Variants in PSMG2 observed in about 807,000 individuals in gnomAD.
PSMG2 encodes the protein proteasome assembly chaperone 2.
A neutral mutation model predicts 31.5 loss-of-function variants in PSMG2; 21 were observed. The ratio of observed to expected loss-of-function variants is 0.67; its 90% confidence interval spans 0.47 to 0.96. PSMG2 has a LOEUF of 0.96. Among genes scored for constraint, PSMG2 ranks in the 40% least tolerant of loss-of-function variants. The pLI, the probability that PSMG2 is intolerant of heterozygous loss-of-function variation, is 0.00. For missense variants in PSMG2, 318 were observed against 321.2 expected, an observed-to-expected ratio of 0.99 and a Z score of 0.08; for synonymous variants, 120 against 110.4, an observed-to-expected ratio of 1.09 and a Z score of -0.54.
At position 12,686,198 on chromosome 18, in the gene PSMG2, T is replaced by C. The variant is rs2039534860; in HGVS notation, c.-36-20352T>C. On this transcript the variant is annotated intron_variant, in intron 1 of 6. Coordinates refer to the PSMG2 transcript ENST00000585331. ...TTTTTCTAAGGCATTCTTTTACAAA[T>C]GGATTACAAATTCAGAGTAACTATG... The C allele has an allele frequency of 2.3e-6, 3 of 1,327,750 alleles. No individual in the cohort carries two copies. In the East Asian group the frequency reaches 7.2e-5, roughly 32 times the overall value. 82.2% of individuals were successfully genotyped at this position (1,327,750 alleles called of 1,614,324 possible). A position where few individuals can be genotyped will look rare whatever the true frequency, so the allele number is the denominator to read the frequency against.
intron 1 of PSMG2, among the ~76,000 whole-genome samples, chr18:12,681,254 A>G (rs1307680623): frequency 7.4e-6 from 1 of 134,982 alleles, no homozygotes; most frequent in Non-Finnish European, 1.6e-5. Flanking sequence ...GAAAAGTAGA[A>G]CATTTTTTTT....
At chr18:12,702,314 C>G, upstream of PSMG2, 1 of 559,984 alleles carries the variant, frequency 1.8e-6, no homozygotes, top group Non-Finnish European at 3.1e-6. Context: ...TTCTCGGAGA[C>G]GAGGACGCTC....
At chr18:12,723,940 G>A (rs1040580946) in intron 5 of PSMG2, among the ~76,000 whole-genome samples, 2 of 152,096 alleles carry the variant, frequency 1.3e-5, no homozygotes, top group Non-Finnish European at 2.9e-5. Flanking sequence ...CTTTGTTCCC[G>A]TTATTCCAAA....
At chr18:12,677,807 AG>A (rs1450012115) in intron 1 of PSMG2, among the ~76,000 whole-genome samples, 16 of 152,298 alleles carry the variant, frequency 1.1e-4, no homozygotes, top group African/African-American at 3.6e-4. Flanking sequence ...CATTTCACAA[AG>A]ACAAAATCCA....
chr18:12,689,949 T>G (rs1315109089), intron 1 of PSMG2, among the ~76,000 whole-genome samples: 1 of 152,132 alleles, frequency 6.6e-6, no homozygotes, highest in Non-Finnish European at 1.5e-5. Context: ...CCACCAAGCC[T>G]GGCTAATTTT....
chr18:12,678,314 T>C (rs766318200), intron 1 of PSMG2: 1 of 1,614,162 alleles, frequency 6.2e-7, no homozygotes, highest in Non-Finnish European at 8.5e-7. Flanking sequence ...TTCTACTGCA[T>C]CAGAGGGTTG....
intron 1 of PSMG2, among the ~76,000 whole-genome samples, chr18:12,705,852 G>A (rs949894928): frequency 1.5e-4 from 23 of 152,134 alleles, no homozygotes; most frequent in Admixed American, 7.2e-4. Context: ...AATCAACCAT[G>A]TACACACATC....
chr18:12,687,628 T>C (rs1274557345), intron 1 of PSMG2, among the ~76,000 whole-genome samples: 1 of 151,690 alleles, frequency 6.6e-6, no homozygotes, highest in Non-Finnish European at 1.5e-5. Flanking sequence ...AATTTTTGTA[T>C]TTTTGTAGAG....
In PSMG2 at chr18:12,678,283, G is replaced by A. The variant is rs139815657; in HGVS notation, c.-37+19510G>A. 188 of 1,614,076 alleles carry A rather than the reference G, an allele frequency of 1.2e-4. No homozygotes were observed. The African/African-American group carries it at 1.9e-3, about 16-fold the overall frequency. On this transcript the variant is annotated intron_variant, in intron 1 of 6. Transcript: ENST00000585331. ...TCATGGGTTTCCATTTGGATTCATC[G>A]TTCAAATCAAATACACAGGTTTCTA...
chr18:12,709,500 ATTT>A (rs113951918), intron 2 of PSMG2, among the ~76,000 whole-genome samples: 1 of 130,380 alleles, frequency 7.7e-6, no homozygotes. Flanking sequence ...TAATTCTTGT[ATTT>A]TTTTTTTTTT....
chr18:12,674,110 G>A (rs1465546027), intron 1 of PSMG2, among the ~76,000 whole-genome samples: 1 of 151,978 alleles, frequency 6.6e-6, no homozygotes, highest in Non-Finnish European at 1.5e-5. Context: ...CATTGTAAAA[G>A]CTCCCATATG....
chr18:12,673,754 G>A (rs1376544266), intron 1 of PSMG2, among the ~76,000 whole-genome samples: 19 of 152,058 alleles, frequency 1.2e-4, no homozygotes, highest in South Asian at 4.1e-4. Context: ...GGTGGCGGGC[G>A]TCTGTAATCC....
At chr18:12,682,148 G>A (rs948732397) in intron 1 of PSMG2, among the ~76,000 whole-genome samples, 3 of 152,072 alleles carry the variant, frequency 2.0e-5, no homozygotes, top group South Asian at 4.1e-4. Context: ...TTGAGTGTCC[G>A]AATGAAGAAA....
intron 1 of PSMG2, among the ~76,000 whole-genome samples, chr18:12,695,595 G>A (rs1289628655): frequency 6.6e-6 from 1 of 151,922 alleles, no homozygotes; most frequent in Admixed American, 6.6e-5. Context: ...TCTTTAAGTA[G>A]AGATGGGGTC....
intron 1 of PSMG2, chr18:12,697,260 A>G: frequency 6.2e-7 from 1 of 1,613,892 alleles, no homozygotes; most frequent in South Asian, 1.1e-5. Flanking sequence ...TGGTCACTCC[A>G]TTTTCTGAGC....
At chr18:12,682,760 T>C (rs1252341307) in intron 1 of PSMG2, among the ~76,000 whole-genome samples, 1 of 151,998 alleles carries the variant, frequency 6.6e-6, no homozygotes, top group Non-Finnish European at 1.5e-5. Flanking sequence ...TAGCTAGGAC[T>C]ACAGGCGTGC....
At chr18:12,699,729 TG>T (rs1406653365), upstream of PSMG2, 11 of 662,364 alleles carry the variant, frequency 1.7e-5, no homozygotes, top group East Asian at 1.8e-4. Flanking sequence ...TATTTTATTT[TG>T]GGGGGAAAAA....
At chr18:12,659,766 G>C (rs2038657600) in intron 1 of PSMG2, among the ~76,000 whole-genome samples, 1 of 152,100 alleles carries the variant, frequency 6.6e-6, no homozygotes, top group Non-Finnish European at 1.5e-5. Context: ...CCTTAAAGTA[G>C]CATCACTTAA....
At chr18:12,683,042 T>C (rs1242850830) in intron 1 of PSMG2, among the ~76,000 whole-genome samples, 2 of 151,836 alleles carry the variant, frequency 1.3e-5, no homozygotes, top group African/African-American at 2.4e-5. Context: ...CATTAAAAAA[T>C]TTAAAATGAG....
Sources: gnomAD v4.1 joint callset for allele counts (sites outside exome capture counted in the v4.1 genomes callset) on GRCh38, gnomAD v4.1.1 for gene constraint, MANE v1.5 for transcripts, NCBI Gene and HGNC (gene_info 2026-07-23, HGNC 2026-07-21) for gene names.